FBXW10B: variants seen among roughly 807,000 people sequenced by gnomAD.
FBXW10B encodes F-box and WD repeat domain containing protein 10B.
At chr17:15,591,570 G>A in the FBXW10B span, among the ~76,000 whole-genome samples, 20 of 152,178 alleles carry the variant, frequency 1.3e-4, no homozygotes, top group African/African-American at 2.2e-4. Flanking sequence ...TTACAAGCAC[G>A]AGCCACTGCG....
the FBXW10B span, among the ~76,000 whole-genome samples, chr17:15,603,992 A>C: frequency 6.9e-6 from 1 of 144,208 alleles, no homozygotes; most frequent in African/African-American, 2.6e-5. Context: ...AGGCAAGAGA[A>C]TGGTGTGAAC....
the FBXW10B span, among the ~76,000 whole-genome samples, chr17:15,618,199 G>A: frequency 0.014 from 2,115 of 152,208 alleles, 47 homozygotes; most frequent in African/African-American, 0.048. Flanking sequence ...ATGGTGGCAC[G>A]CACCTGTAGT....
chr17:15,577,899 G>A, the FBXW10B span, among the ~76,000 whole-genome samples: 1 of 151,798 alleles, frequency 6.6e-6, no homozygotes, highest in South Asian at 2.1e-4. Context: ...AGCAGCTCAT[G>A]TTAGCATGAG....
At chr17:15,585,811 G>A in the FBXW10B span, among the ~76,000 whole-genome samples, 1 of 152,232 alleles carries the variant, frequency 6.6e-6, no homozygotes, top group African/African-American at 2.4e-5. Context: ...CATGAGCTTT[G>A]CTCTTGATCT....
chr17:15,590,657 T>G, the FBXW10B span, among the ~76,000 whole-genome samples: 3 of 140,680 alleles, frequency 2.1e-5, no homozygotes, highest in African/African-American at 5.4e-5. Flanking sequence ...TCCCTCTCCC[T>G]CTTAACACAA....
At chr17:15,585,091 CT>C in the FBXW10B span, among the ~76,000 whole-genome samples, 2 of 149,412 alleles carry the variant, frequency 1.3e-5, no homozygotes, top group African/African-American at 4.9e-5. Context: ...AAAAAAAAAT[CT>C]GTTCTTATAA....
the FBXW10B span, among the ~76,000 whole-genome samples, chr17:15,586,851 T>C: frequency 6.6e-6 from 1 of 151,072 alleles, no homozygotes; most frequent in South Asian, 2.1e-4. Context: ...AGGGAGGAGA[T>C]TAAATAAAAA....
the FBXW10B span, among the ~76,000 whole-genome samples, chr17:15,582,192 T>C: frequency 4.1e-5 from 6 of 147,208 alleles, no homozygotes; most frequent in African/African-American, 1.5e-4. Context: ...CTGAATGGTA[T>C]GATTAAGAGA....
the FBXW10B span, among the ~76,000 whole-genome samples, chr17:15,603,647 T>C: frequency 3.9e-5 from 6 of 151,952 alleles, no homozygotes; most frequent in East Asian, 1.2e-3. Context: ...TACAACCACA[T>C]TGGAAAACAG....
chr17:15,567,999 T>C, the FBXW10B span, among the ~76,000 whole-genome samples: 1 of 152,086 alleles, frequency 6.6e-6, no homozygotes, highest in African/African-American at 2.4e-5. Context: ...ATTAAGTTGG[T>C]AGGCAAAAAA....
chr17:15,576,025 G>A, the FBXW10B span, among the ~76,000 whole-genome samples: 59 of 152,198 alleles, frequency 3.9e-4, no homozygotes, highest in African/African-American at 1.2e-3. Context: ...TCTTAATTTC[G>A]CTTCAGAGAT....
the FBXW10B span, chr17:15,596,610 G>T: frequency 1.2e-6 from 2 of 1,613,156 alleles, no homozygotes; most frequent in Non-Finnish European, 1.7e-6. Flanking sequence ...TGGCCAAGAT[G>T]GGGTCTTTGT....
chr17:15,584,958 C>A, the FBXW10B span, among the ~76,000 whole-genome samples: 1 of 131,958 alleles, frequency 7.6e-6, no homozygotes, highest in Non-Finnish European at 1.6e-5. Flanking sequence ...GAGTAAACAA[C>A]CTTCTTCTTC....
At chr17:15,569,455 C>CTTTTTTTTTTTTTTTTTTTTTTTTT in the FBXW10B span, among the ~76,000 whole-genome samples, 2 of 59,192 alleles carry the variant, frequency 3.4e-5, no homozygotes, top group Non-Finnish European at 5.8e-5. Context: ...TTTTCTTTTT[C>CTTTTTTTTTTTTTTTTTTTTTTTTT]TTTTTTTTTT....
At chr17:15,604,094 A>AG in the FBXW10B span, among the ~76,000 whole-genome samples, 133 of 144,432 alleles carry the variant, frequency 9.2e-4, 2 homozygotes, top group East Asian at 2.5e-3. Context: ...AAAAAAAACA[A>AG]AAACTAGAAA....
At chr17:15,591,988 C>T in the FBXW10B span, among the ~76,000 whole-genome samples, 1 of 152,162 alleles carries the variant, frequency 6.6e-6, no homozygotes. Context: ...TTCCTGTGCC[C>T]CCGCAGCACT....
the FBXW10B span, among the ~76,000 whole-genome samples, chr17:15,607,861 A>C: frequency 6.7e-6 from 1 of 149,556 alleles, no homozygotes; most frequent in Non-Finnish European, 1.5e-5. Context: ...GGAAACCATG[A>C]GTTAGAAAAT....
chr17:15,594,875 C>G, the FBXW10B span: 1 of 1,611,742 alleles, frequency 6.2e-7, no homozygotes, highest in Non-Finnish European at 8.5e-7. Context: ...ACAGCTCCCT[C>G]GTGGCCACTG....
At chr17:15,591,584 G>A in the FBXW10B span, among the ~76,000 whole-genome samples, 1 of 152,168 alleles carries the variant, frequency 6.6e-6, no homozygotes, top group Non-Finnish European at 1.5e-5. Flanking sequence ...CACTGCGCCT[G>A]GCCTCAAGTT....
Sources: gnomAD v4.1 joint callset for allele counts (sites outside exome capture counted in the v4.1 genomes callset) on GRCh38, gnomAD v4.1.1 for gene constraint, MANE v1.5 for transcripts, NCBI Gene and HGNC (gene_info 2026-07-23, HGNC 2026-07-21) for gene names.